Variants in CELF2 observed in about 807,000 individuals in gnomAD.
CELF2 encodes CUG triplet repeat RNA-binding protein 2.
In CELF2, 8 loss-of-function variants were observed where a neutral mutation model predicts 62.6. The ratio of observed to expected loss-of-function variants is 0.13; its 90% CI spans 0.07 to 0.23. CELF2 has a LOEUF of 0.23. Ranked by LOEUF, CELF2 falls within the 10% of genes least tolerant of loss-of-function variation. The pLI is 1.00. For missense variants in CELF2, 333 were observed against 671.0 expected (o/e 0.50, Z 5.56); for synonymous variants, 258 against 250.0 (o/e 1.03, Z -0.30).
chr10:10,561,965 G>C, the CELF2 span, among the ~76,000 whole-genome samples: 1 of 152,162 alleles, frequency 6.6e-6, no homozygotes, highest in African/African-American at 2.4e-5. Context: ...AGACTGGCTA[G>C]AGAGTGATGC....
At chr10:11,042,821 T>C (rs1212444434) in intron 1 of CELF2, among the ~76,000 whole-genome samples, 1 of 152,226 alleles carries the variant, frequency 6.6e-6, no homozygotes, top group Non-Finnish European at 1.5e-5. Context: ...GGCTTTTGTT[T>C]AACTTATGAT....
At chr10:10,965,311 C>T (rs978927713) in intron 2 of CELF2, among the ~76,000 whole-genome samples, 2 of 152,124 alleles carry the variant, frequency 1.3e-5, no homozygotes, top group African/African-American at 2.4e-5. Flanking sequence ...CTTGAAAATT[C>T]TTAAAGACAA....
chr10:11,172,872 A>G (rs1327266781), intron 2 of CELF2, among the ~76,000 whole-genome samples: 1 of 152,008 alleles, frequency 6.6e-6, no homozygotes, highest in African/African-American at 2.4e-5. Context: ...GAATTAAAGT[A>G]GCAGAAGAAT....
At chr10:10,714,213 A>G in the CELF2 span, among the ~76,000 whole-genome samples, 2 of 152,142 alleles carry the variant, frequency 1.3e-5, no homozygotes, top group Non-Finnish European at 2.9e-5. Context: ...AAGCTTTTAA[A>G]TTTTGGCAAC....
chr10:11,274,445 G>C (rs1271399217), intron 7 of CELF2, among the ~76,000 whole-genome samples: 1 of 152,216 alleles, frequency 6.6e-6, no homozygotes, highest in East Asian at 1.9e-4. Context: ...TTTACAACGC[G>C]TGACTTCGAT....
chr10:10,486,690 G>A, the CELF2 span, among the ~76,000 whole-genome samples: 12 of 152,212 alleles, frequency 7.9e-5, no homozygotes, highest in South Asian at 2.1e-4. Context: ...TGATCAAAAC[G>A]TTTTGAACTG....
the CELF2 span, among the ~76,000 whole-genome samples, chr10:10,605,252 C>T: frequency 6.6e-6 from 1 of 151,888 alleles, no homozygotes; most frequent in East Asian, 1.9e-4. Flanking sequence ...AGGGGAACAA[C>T]ACACACTGAG....
At chr10:10,602,326 G>A in the CELF2 span, among the ~76,000 whole-genome samples, 6 of 152,010 alleles carry the variant, frequency 3.9e-5, no homozygotes, top group African/African-American at 1.2e-4. Flanking sequence ...TTGCAATTTT[G>A]CAAAATCTTT....
At chr10:11,174,752 C>T (rs1230332303) in intron 2 of CELF2, among the ~76,000 whole-genome samples, 1 of 152,200 alleles carries the variant, frequency 6.6e-6, no homozygotes, top group African/African-American at 2.4e-5. Context: ...AGTCTTCCAG[C>T]TTTGTCTGCA....
chr10:10,974,442 A>G (rs920342893), intron 2 of CELF2, among the ~76,000 whole-genome samples: 3 of 152,222 alleles, frequency 2.0e-5, no homozygotes, highest in Admixed American at 6.5e-5. Flanking sequence ...AGGACAAGGT[A>G]TTTAGTGTCT....
rs1361815541 is a variant in CELF2 at position 11,321,774 on chromosome 10, G to A, written c.1294+388G>A. On this transcript the variant is annotated intron_variant, in intron 11 of 12. Transcript: ENST00000633077. This position sits in a 1 kb window ranked among gnomAD's most constrained non-coding sequence, Gnocchi z 6.2. ...TTACCTTCTAATTTAATTTTTCATC[G>A]ATCTCTTCAGATGAAGTTCTTGTCC... Among the ~76,000 whole-genome samples, 2 of 152,086 alleles carry A rather than the reference G, an allele frequency of 1.3e-5. No homozygotes were observed. The highest frequency in any genetic ancestry group is 1.9e-4 in the East Asian group (1 of 5,172).
At chr10:11,151,768 A>G (rs2132699040) in intron 1 of CELF2, among the ~76,000 whole-genome samples, 1 of 152,266 alleles carries the variant, frequency 6.6e-6, no homozygotes. Flanking sequence ...AAAAAAAATA[A>G]GTAGATAAGG....
chr10:10,546,490 G>A, the CELF2 span, among the ~76,000 whole-genome samples: 1 of 152,168 alleles, frequency 6.6e-6, no homozygotes, highest in Non-Finnish European at 1.5e-5. Context: ...TGAAACTTGT[G>A]TCTTTAACAT....
At chr10:10,987,614 A>AT (rs1309167011) in intron 2 of CELF2, among the ~76,000 whole-genome samples, 2 of 152,172 alleles carry the variant, frequency 1.3e-5, no homozygotes, top group African/African-American at 4.8e-5. Context: ...TCCACAATCA[A>AT]TTGTGGTTTG....
chr10:10,642,406 A>G, the CELF2 span, among the ~76,000 whole-genome samples: 2 of 151,930 alleles, frequency 1.3e-5, no homozygotes, highest in South Asian at 2.1e-4. Context: ...AGAGTGTGGC[A>G]TGGTTGCCTG....
chr10:11,127,587 T>C (rs1001301502), intron 1 of CELF2, among the ~76,000 whole-genome samples: 3 of 152,238 alleles, frequency 2.0e-5, no homozygotes, highest in African/African-American at 7.2e-5. Flanking sequence ...ATTGCCATTC[T>C]AGCTGGTGTG....
the CELF2 span, among the ~76,000 whole-genome samples, chr10:10,465,827 A>T: frequency 6.6e-6 from 1 of 152,112 alleles, no homozygotes; most frequent in Non-Finnish European, 1.5e-5. Context: ...CAAGACAATT[A>T]CCAGCTAACA....
the CELF2 span, among the ~76,000 whole-genome samples, chr10:10,669,422 G>A: frequency 6.6e-6 from 1 of 152,198 alleles, no homozygotes; most frequent in Non-Finnish European, 1.5e-5. Context: ...GAGAGACCAG[G>A]TGACATTACA....
chr10:10,858,517 T>C (rs2059879797), intron 1 of CELF2, among the ~76,000 whole-genome samples: 4 of 152,170 alleles, frequency 2.6e-5, no homozygotes, highest in Admixed American at 2.6e-4. Context: ...CCTATCTAAA[T>C]ACCCCTTTCC....
Sources: allele counts gnomAD v4.1 joint callset (sites outside exome capture counted in the v4.1 genomes callset), GRCh38; gene constraint gnomAD v4.1.1; non-coding constraint Gnocchi (gnomAD v3.1); transcripts MANE v1.5; gene names NCBI Gene and HGNC (gene_info 2026-07-23, HGNC 2026-07-21).